DYSF: variants seen among roughly 807,000 people sequenced by gnomAD.
DYSF encodes dysferlin, also known as dystrophy-associated fer-1-like 1.
DYSF carries 212 observed loss-of-function variants against 274.9 expected under a neutral mutation model. That is an observed-to-expected ratio of 0.77 (90% CI 0.69 to 0.86). The LOEUF (loss-of-function observed/expected upper bound fraction) is 0.86. Ranked by LOEUF, DYSF falls within the 40% of genes least tolerant of loss-of-function variation. DYSF has a pLI of 0.00. For missense variants in DYSF, 2,666 were observed against 2,783.2 expected (o/e 0.96, Z 0.95); for synonymous variants, 1,091 against 1,078.7 (o/e 1.01, Z -0.22).
intron 41 of DYSF, among the ~76,000 whole-genome samples, chr2:71,638,941 C>A (rs1374612559): frequency 6.6e-6 from 1 of 152,182 alleles, no homozygotes; most frequent in Non-Finnish European, 1.5e-5. Flanking sequence ...CATTTTACAT[C>A]CTCACCAGCA....
At position 71,598,680 on chromosome 2, in the gene DYSF, G is replaced by A. The variant is rs1260374854; in HGVS notation, c.3691G>A (p.Glu1231Lys). 11 of 1,613,886 alleles carry A rather than the reference G, an allele frequency of 6.8e-6. No homozygotes were observed. The highest frequency in any genetic ancestry group is 1.3e-5 in the African/African-American group (1 of 74,924). Residue 1231 changes from glutamate (E) to lysine (K), a missense_variant, in exon 33 of 56, where the codon GAG becomes AAG. Glu to Lys is a moderately conservative substitution (Grantham distance 56). Around this residue, in one of 3 missense-constraint regions of DYSF, gnomAD observed 1,460 missense variants for 1,502.1 expected, o/e 0.97. Transcript: ENST00000410020. ...CTTCTACGAGATCGAGATCTTTGGC[G>A]AGCCGGCCACAGTTGCTGAGCAACC... The part of the protein sequence containing the change: ...LIFYEIEIFG[E>K]PATVAEQPPS...
At position 71,669,133 on chromosome 2, in the gene DYSF, C is replaced by A; in HGVS notation, c.5568C>A (p.Ile1856=). The change falls in exon 50 of 56, where the codon ATC becomes ATA. Residue 1856 remains isoleucine (I), a synonymous_variant. Coordinates refer to ENST00000410020, the MANE Select transcript of DYSF (RefSeq NM_001130987.2). ...RARRFFLRCI[I]WNTRDVILDD... ...CCAGGTTTTTCCTGCGTTGTATTAT[C>A]TGGAATACCAGAGATGTGATCCTGG... 6.2e-7 allele frequency: 1 copy of A among 1,606,760 alleles called. No homozygotes were observed.
intron 3 of DYSF, among the ~76,000 whole-genome samples, chr2:71,487,377 G>A (rs551491517): frequency 8.5e-5 from 13 of 152,094 alleles, no homozygotes; most frequent in Non-Finnish European, 1.5e-4. Context: ...TCTGAGCTCC[G>A]CACTAAGCTG....
chr2:71,679,321 A>C (rs568725827), intron 53 of DYSF, 86 bp downstream of exon 53: 1 of 1,346,204 alleles, frequency 7.4e-7, no homozygotes, highest in Non-Finnish European at 1.0e-6. Flanking sequence ...ATCAGAAAAT[A>C]CATGCTTACT....
intron 41 of DYSF, among the ~76,000 whole-genome samples, chr2:71,642,384 T>C (rs2094501202): frequency 6.6e-6 from 1 of 152,246 alleles, no homozygotes; most frequent in Non-Finnish European, 1.5e-5. Context: ...TCAGTTCTTC[T>C]GCGTGTGGGT....
Position 71,567,937 on chromosome 2 carries a change from T to C in DYSF, c.2566-14T>C, listed in dbSNP as rs1192450587. ...GAAGGGGACTGTGGGTTTCTGTCCTTCTCTGGTACCCAGTATCCGATGGAG... is the reference window on the plus strand; with the variant it reads ...GAAGGGGACTGTGGGTTTCTGTCCTCCTCTGGTACCCAGTATCCGATGGAG... On this transcript the variant is annotated splice_polypyrimidine_tract_variant and intron_variant, in intron 24 of 55. Coordinates refer to ENST00000410020, the MANE Select transcript of DYSF (RefSeq NM_001130987.2). 3 of 1,613,816 alleles carry C rather than the reference T, an allele frequency of 1.9e-6. No individual in the cohort carries two copies. Among genetic ancestry groups the C allele is most frequent in the East Asian group, 2.2e-5 (1 of 44,870 alleles).
intron 38 of DYSF, among the ~76,000 whole-genome samples, chr2:71,612,381 C>T (rs935432809): frequency 6.6e-5 from 10 of 152,112 alleles, no homozygotes; most frequent in Admixed American, 1.3e-4. Context: ...AGCGCAGCCT[C>T]GTTTCCACTT....
chr2:71,510,316 A>G (rs949120247), intron 4 of DYSF, among the ~76,000 whole-genome samples: 10 of 152,200 alleles, frequency 6.6e-5, no homozygotes, highest in Admixed American at 2.6e-4. Flanking sequence ...CAGGTGTGGC[A>G]TCTGGGCGGA....
chr2:71,514,693 T>A (rs987719065), intron 7 of DYSF, among the ~76,000 whole-genome samples: 5 of 152,310 alleles, frequency 3.3e-5, no homozygotes, highest in African/African-American at 1.2e-4. Context: ...CTATTTATAA[T>A]ACTAAGTGCA....
At position 71,614,536 on chromosome 2, in the gene DYSF, C is replaced by T. The variant is rs151169601; in HGVS notation, c.4464+1126C>T. ...GTTTAAGACTTAACTTAGGCATGGTCGCTTCTTTGGGGGAGTCTTTCCTGG... is the reference window on the plus strand; with the variant it reads ...GTTTAAGACTTAACTTAGGCATGGTTGCTTCTTTGGGGGAGTCTTTCCTGG... On this transcript the variant is annotated intron_variant, in intron 40 of 55. Coordinates refer to ENST00000410020, the MANE Select transcript of DYSF (RefSeq NM_001130987.2). Among the ~76,000 whole-genome samples, 50 of 152,314 alleles carry T rather than the reference C, an allele frequency of 3.3e-4. 1 individual carries two copies. In the East Asian group the frequency reaches 8.7e-3, roughly 26 times the overall value.
At chr2:71,663,438 C>G (rs980450288) in intron 45 of DYSF, among the ~76,000 whole-genome samples, 1 of 152,244 alleles carries the variant, frequency 6.6e-6, no homozygotes, top group African/African-American at 2.4e-5. Flanking sequence ...CAGTTCCAGT[C>G]TGGCCTCAGA....
intron 36 of DYSF, among the ~76,000 whole-genome samples, chr2:71,604,315 G>A (rs2093608850): frequency 6.6e-6 from 1 of 152,208 alleles, no homozygotes; most frequent in Non-Finnish European, 1.5e-5. Context: ...CCCCAGGGCT[G>A]GGTGGTCCTT....
rs368409389 is a variant in DYSF, at chr2:71,515,696, C to T, written c.833C>T (p.Ala278Val). Residue 278 changes from alanine to valine, a missense_variant, in exon 8 of 56, where the codon GCA becomes GTA. Transcript: ENST00000410020. ...AAGCCTGTGGTCAAGGTTACCGCTG[C>T]AGGGCAGACCAAGCGGACGCGGATC... ...NIKPVVKVTA[A>V]GQTKRTRIHK... The T allele has an allele frequency of 2.5e-6, 4 of 1,614,130 alleles. No homozygotes were observed. Among genetic ancestry groups the T allele is most frequent in the Non-Finnish European group, 3.4e-6 (4 of 1,180,018 alleles).
intron 8 of DYSF, among the ~76,000 whole-genome samples, 171 bp from the exon 9 acceptor site, chr2:71,516,009 C>A (rs2086613317): frequency 6.6e-6 from 1 of 152,194 alleles, no homozygotes; most frequent in Non-Finnish European, 1.5e-5. Context: ...GTCTGTGAGG[C>A]CAGGGGCAGA....
chr2:71,541,280 G>A (rs529525111), intron 17 of DYSF, among the ~76,000 whole-genome samples: 206 of 152,290 alleles, frequency 1.4e-3, no homozygotes, highest in South Asian at 3.5e-3. Flanking sequence ...AGTGGGTATA[G>A]TAATAGCTCT....
rs1011076309 is a variant in DYSF at position 71,481,892 on chromosome 2, A to T, written c.161A>T (p.Asp54Val). ...TTTTTCTTCCAGGGATTTGAATGGG[A>T]CCTCAAGGGCATCCCCCTGGACCAG... ...NPVWNEGFEW[D>V]LKGIPLDQGS... Residue 54 changes from aspartate (D) to valine (V), a missense_variant, in exon 3 of 56, where the codon GAC becomes GTC. Physicochemically the swap from Asp to Val is radical, Grantham distance 152. Around this residue, in one of 3 missense-constraint regions of DYSF, gnomAD observed 794 missense variants for 777.1 expected, o/e 1.02. Transcript: ENST00000410020. The T allele has an allele frequency of 6.2e-6, 10 of 1,613,832 alleles. No individual in the cohort carries two copies. The South Asian group carries it at 8.8e-5, about 14-fold the overall frequency.
intron 40 of DYSF, among the ~76,000 whole-genome samples, chr2:71,616,193 C>G (rs950340282): frequency 6.6e-6 from 1 of 152,098 alleles, no homozygotes; most frequent in East Asian, 1.9e-4. Flanking sequence ...TGGTTTGTGT[C>G]GAGAGTGGCC....
intron 3 of DYSF, among the ~76,000 whole-genome samples, chr2:71,489,593 C>T (rs1197345026): frequency 6.6e-6 from 1 of 152,138 alleles, no homozygotes; most frequent in East Asian, 1.9e-4. Context: ...TGGAGGTTTC[C>T]AGGAAGGGGC....
At chr2:71,486,632 A>G (rs528867561) in intron 3 of DYSF, among the ~76,000 whole-genome samples, 1 of 152,074 alleles carries the variant, frequency 6.6e-6, no homozygotes, top group Non-Finnish European at 1.5e-5. Flanking sequence ...GGAAATCTCC[A>G]TCTGGGAACT....
Sources: allele counts gnomAD v4.1 joint callset (sites outside exome capture counted in the v4.1 genomes callset), GRCh38; gene constraint gnomAD v4.1.1; regional missense constraint gnomAD v4.1.1; transcripts MANE v1.5; gene names NCBI Gene and HGNC (gene_info 2026-07-23, HGNC 2026-07-21).